Variants in ITPR2 observed in about 807,000 individuals in gnomAD.
ITPR2 encodes the protein inositol 1,4,5-trisphosphate receptor type 2, also known as inositol 1,4,5-trisphosphate-gated calcium channel ITPR2.
ITPR2 carries 207 observed loss-of-function variants against 317.1 expected under a neutral mutation model. The ratio of observed to expected loss-of-function variants is 0.65; its 90% confidence interval spans 0.58 to 0.73. ITPR2 has a LOEUF of 0.73. ITPR2 is among the 30% of genes least tolerant of loss of function. ITPR2 has a pLI of 0.00. For synonymous variants in ITPR2, 1,156 were observed against 1,149.1 expected, an observed-to-expected ratio of 1.01 and a Z score of -0.12; for missense variants, 2,613 against 3,284.0, an observed-to-expected ratio of 0.80 and a Z score of 4.99.
At chr12:26,459,980 C>T (rs920635840) in intron 45 of ITPR2, among the ~76,000 whole-genome samples, 2 of 152,246 alleles carry the variant, frequency 1.3e-5, no homozygotes, top group African/African-American at 4.8e-5. Context: ...GCACCATCAT[C>T]TGCCAACTAG....
intron 1 of ITPR2, among the ~76,000 whole-genome samples, chr12:26,792,498 C>T (rs1950359251): frequency 6.6e-6 from 1 of 151,918 alleles, no homozygotes; most frequent in South Asian, 2.1e-4. Context: ...TACCATCATT[C>T]TGACAGCCCT....
intron 45 of ITPR2, among the ~76,000 whole-genome samples, chr12:26,464,644 T>C (rs1942123631): frequency 2.6e-5 from 4 of 152,214 alleles, no homozygotes; most frequent in African/African-American, 9.6e-5. Context: ...ATTTACTATA[T>C]CAAACACAGC....
intron 26 of ITPR2, among the ~76,000 whole-genome samples, chr12:26,603,539 T>C (rs933510029): frequency 5.9e-5 from 9 of 152,166 alleles, no homozygotes; most frequent in Non-Finnish European, 1.3e-4. Flanking sequence ...AAAGAAGATA[T>C]GGTCCTTCTC....
chr12:26,665,597 T>C (rs774749402), intron 14 of ITPR2, among the ~76,000 whole-genome samples: 9 of 152,196 alleles, frequency 5.9e-5, no homozygotes, highest in Non-Finnish European at 1.2e-4. Flanking sequence ...CTGCCTTGTC[T>C]TGAGGCACTC....
chr12:26,509,732 G>T (rs1487811849), intron 37 of ITPR2, among the ~76,000 whole-genome samples: 1 of 152,152 alleles, frequency 6.6e-6, no homozygotes, highest in Non-Finnish European at 1.5e-5. Flanking sequence ...AATCAAGCTA[G>T]TATCTGGAAC....
rs145126568 is a variant in ITPR2 at position 26,573,201 on chromosome 12, G to A, written c.4630+5512C>T. Among the ~76,000 whole-genome samples, 520 of 151,880 alleles carry A rather than the reference G, an allele frequency of 3.4e-3. 8 individuals carry two copies. The highest frequency in any genetic ancestry group is 0.025 in the Admixed American group (378 of 15,236). On this transcript the variant is annotated intron_variant, in intron 34 of 56. Transcript: ENST00000381340. ...CCATGCCCAGCTAATTTTGTTTTTG[G>A]CCTCCCAAAGTGCTGGGATTGTAGG...
In ITPR2 at chr12:26,821,056, G is replaced by A. The variant is rs114040926; in HGVS notation, c.92+11634C>T. ...TAAAAAAAAGTTCTGGAAATGCAGA[G>A]CAGTGATGGTTGCTCAACATTGTGA... On this transcript the variant is annotated intron_variant, in intron 1 of 56. Coordinates refer to ENST00000381340, the MANE Select transcript of ITPR2 (RefSeq NM_002223.4). 6.0e-4 allele frequency among the ~76,000 whole-genome samples: 92 copies of A among 152,320 alleles called. 1 individual carries two copies. The highest frequency in any genetic ancestry group is 1.4e-3 in the Admixed American group (21 of 15,302).
intron 9 of ITPR2, among the ~76,000 whole-genome samples, chr12:26,698,196 A>G (rs1266246030): frequency 6.6e-6 from 1 of 152,226 alleles, no homozygotes; most frequent in Non-Finnish European, 1.5e-5. Flanking sequence ...TACTCTATCC[A>G]TTGAAATCAA....
chr12:26,420,794 A>G (rs1940865150), intron 49 of ITPR2, among the ~76,000 whole-genome samples: 4 of 152,180 alleles, frequency 2.6e-5, no homozygotes, highest in African/African-American at 9.6e-5. Context: ...GAAATATATA[A>G]GAATACTAAT....
At chr12:26,786,561 C>G (rs536919981) in intron 2 of ITPR2, among the ~76,000 whole-genome samples, 1 of 151,544 alleles carries the variant, frequency 6.6e-6, no homozygotes, top group African/African-American at 2.4e-5. Flanking sequence ...TGGTTTCTAT[C>G]GAAAAATGGC....
chr12:26,356,728 T>C (rs1022363520), intron 55 of ITPR2, among the ~76,000 whole-genome samples: 2 of 152,340 alleles, frequency 1.3e-5, no homozygotes, highest in East Asian at 3.9e-4. Context: ...ATTGATTGAT[T>C]GTAGGGTGGG....
chr12:26,408,978 G>A (rs1285458776), intron 52 of ITPR2, among the ~76,000 whole-genome samples: 2 of 152,092 alleles, frequency 1.3e-5, no homozygotes, highest in African/African-American at 4.8e-5. Context: ...ACTTTGAGGT[G>A]GCCAAAGAGA....
At chr12:26,647,511 G>C (rs1390412024) in intron 21 of ITPR2, among the ~76,000 whole-genome samples, 1 of 152,242 alleles carries the variant, frequency 6.6e-6, no homozygotes, top group East Asian at 1.9e-4. Context: ...GCTTCTAAAA[G>C]TGAAATGTTT....
chr12:26,612,918 T>C (rs1006297492), intron 26 of ITPR2, among the ~76,000 whole-genome samples: 19 of 152,376 alleles, frequency 1.2e-4, no homozygotes, highest in African/African-American at 4.1e-4. Flanking sequence ...TCCTTCAGAA[T>C]AGGCCTATGC....
chr12:26,616,799 A>G (rs1946383038), intron 26 of ITPR2, among the ~76,000 whole-genome samples: 1 of 152,162 alleles, frequency 6.6e-6, no homozygotes, highest in Non-Finnish European at 1.5e-5. Flanking sequence ...GCCCCCCTTC[A>G]GACAGCAAGA....
At position 26,389,138 on chromosome 12, in the gene ITPR2, T is replaced by G. The variant is rs538923845; in HGVS notation, c.7697-1544A>C. Among the ~76,000 whole-genome samples the G allele has an allele frequency of 1.8e-4, 28 of 152,230 alleles. No homozygotes were observed. In the East Asian group the frequency reaches 5.2e-3, roughly 28 times the overall value. On this transcript the variant is annotated intron_variant, in intron 54 of 56. Coordinates refer to ENST00000381340, the MANE Select transcript of ITPR2 (RefSeq NM_002223.4). ...GCAATAGACTCCCAGGCCCCCCTGT[T>G]TCCATCTTTACTCTCCACAGCCCAT...
intron 45 of ITPR2, among the ~76,000 whole-genome samples, chr12:26,453,243 C>T (rs1941784795): frequency 6.6e-6 from 1 of 152,078 alleles, no homozygotes; most frequent in South Asian, 2.1e-4. Flanking sequence ...GAGGTATAAT[C>T]TTAATTGGTT....
chr12:26,770,267 A>G (rs1295308202), intron 2 of ITPR2, among the ~76,000 whole-genome samples: 1 of 152,202 alleles, frequency 6.6e-6, no homozygotes, highest in African/African-American at 2.4e-5. Flanking sequence ...AAGTCACAGA[A>G]CTGTAGACTG....
At chr12:26,811,785 C>T (rs34373160) in intron 1 of ITPR2, among the ~76,000 whole-genome samples, 18,536 of 142,010 alleles carry the variant, frequency 0.13, 1,503 homozygotes, top group East Asian at 0.2. Context: ...ACCCCGGAGG[C>T]GGAGCTTGCA....
Sources: allele counts gnomAD v4.1 joint callset (sites outside exome capture counted in the v4.1 genomes callset), GRCh38; gene constraint gnomAD v4.1.1; transcripts MANE v1.5; gene names NCBI Gene and HGNC (gene_info 2026-07-23, HGNC 2026-07-21).